The following CCSER1 variants were observed in gnomAD, a reference collection of about 807,000 sequenced individuals.
CCSER1 encodes the protein serine-rich coiled-coil domain-containing protein 1.
CCSER1 carries 41 observed loss-of-function variants against 82.0 expected under a neutral mutation model. That is an observed-to-expected ratio of 0.50 (90% CI 0.39 to 0.65). CCSER1 has a LOEUF of 0.65. CCSER1 is among the 30% of genes least tolerant of loss of function. The pLI is 0.00. For synonymous variants in CCSER1, 414 were observed against 383.9 expected, an observed-to-expected ratio of 1.08 and a Z score of -0.92; for missense variants, 1,119 against 1,064.2, an observed-to-expected ratio of 1.05 and a Z score of -0.72.
At chr4:91,323,774 T>C (rs1746361618) in intron 10 of CCSER1, among the ~76,000 whole-genome samples, 1 of 152,196 alleles carries the variant, frequency 6.6e-6, no homozygotes, top group Non-Finnish European at 1.5e-5. Flanking sequence ...GCTAGCGCAA[T>C]GGCCTATGGA....
intron 9 of CCSER1, among the ~76,000 whole-genome samples, chr4:91,009,952 G>A (rs1738869237): frequency 6.6e-6 from 1 of 151,830 alleles, no homozygotes; most frequent in Non-Finnish European, 1.5e-5. Flanking sequence ...ACAGTCTTGG[G>A]GATTCTGAAT....
At chr4:90,844,032 A>G (rs1017369432) in intron 8 of CCSER1, among the ~76,000 whole-genome samples, 2 of 152,070 alleles carry the variant, frequency 1.3e-5, no homozygotes, top group Admixed American at 1.3e-4. Context: ...GTATATTATT[A>G]CACACTATAC....
At chr4:91,482,470 A>G (rs1757989510) in intron 10 of CCSER1, among the ~76,000 whole-genome samples, 1 of 151,804 alleles carries the variant, frequency 6.6e-6, no homozygotes, top group African/African-American at 2.4e-5. Context: ...ATGTGTAGAA[A>G]TACGAATGCT....
At chr4:91,223,109 T>C (rs985551184) in intron 10 of CCSER1, among the ~76,000 whole-genome samples, 4 of 152,074 alleles carry the variant, frequency 2.6e-5, no homozygotes, top group Non-Finnish European at 5.9e-5. Flanking sequence ...AAAATTCAAA[T>C]TATGCCTTCA....
intron 5 of CCSER1, among the ~76,000 whole-genome samples, chr4:90,618,833 G>A (rs1010246279): frequency 4.0e-5 from 6 of 151,674 alleles, no homozygotes; most frequent in African/African-American, 1.4e-4. Context: ...CCTGGAGTTT[G>A]TGACTTAAAA....
At chr4:90,912,484 C>A (rs1384231868) in intron 8 of CCSER1, among the ~76,000 whole-genome samples, 1 of 152,142 alleles carries the variant, frequency 6.6e-6, no homozygotes, top group Non-Finnish European at 1.5e-5. Context: ...AAAACCCCAT[C>A]TATACGTCAC....
intron 3 of CCSER1, among the ~76,000 whole-genome samples, chr4:90,385,952 G>T (rs1174181203): frequency 6.6e-6 from 1 of 151,978 alleles, no homozygotes; most frequent in East Asian, 1.9e-4. Flanking sequence ...TTTAACCAAA[G>T]AGGTGAAAGA....
intron 10 of CCSER1, among the ~76,000 whole-genome samples, chr4:91,086,325 T>G (rs1156747576): frequency 6.6e-6 from 1 of 152,078 alleles, no homozygotes. Context: ...AAAACTGACT[T>G]ACTGAGAAGT....
chr4:91,459,436 C>A (rs75748501), intron 10 of CCSER1, among the ~76,000 whole-genome samples: 3,605 of 152,098 alleles, frequency 0.024, 165 homozygotes, highest in African/African-American at 0.083. Context: ...CAGCATCCTA[C>A]CACCTAGCAA....
intron 8 of CCSER1, among the ~76,000 whole-genome samples, chr4:90,894,256 T>G (rs2150124650): frequency 6.6e-6 from 1 of 152,186 alleles, no homozygotes; most frequent in African/African-American, 2.4e-5. Context: ...TATTACTTAC[T>G]TTATAGCTTA....
intron 10 of CCSER1, among the ~76,000 whole-genome samples, chr4:91,564,240 A>G (rs1419080412): frequency 6.6e-6 from 1 of 151,720 alleles, no homozygotes; most frequent in East Asian, 1.9e-4. Flanking sequence ...TTTTTTATGA[A>G]GACATAGTAT....
intron 10 of CCSER1, among the ~76,000 whole-genome samples, chr4:91,336,735 T>C (rs1747354078): frequency 6.6e-6 from 1 of 152,204 alleles, no homozygotes; most frequent in South Asian, 2.1e-4. Flanking sequence ...GAACTCTCTT[T>C]AATTATATTT....
At chr4:91,559,091 T>C (rs955008) in intron 10 of CCSER1, among the ~76,000 whole-genome samples, 17,072 of 151,486 alleles carry the variant, frequency 0.11, 1,090 homozygotes, top group Middle Eastern at 0.2. Flanking sequence ...TCTAGTTAAG[T>C]ATGTGTCATC....
chr4:91,323,359 G>A (rs1259230239), intron 10 of CCSER1, among the ~76,000 whole-genome samples: 1 of 152,102 alleles, frequency 6.6e-6, no homozygotes, highest in Non-Finnish European at 1.5e-5. Flanking sequence ...TAATTCCTTA[G>A]GTTTAGGTTA....
intron 3 of CCSER1, among the ~76,000 whole-genome samples, chr4:90,345,126 A>G (rs977512682): frequency 3.3e-5 from 5 of 152,134 alleles, no homozygotes; most frequent in African/African-American, 9.7e-5. Context: ...AATTTTACCA[A>G]TGATGATGAC....
intron 9 of CCSER1, among the ~76,000 whole-genome samples, chr4:91,045,280 A>G (rs1742350822): frequency 6.6e-6 from 1 of 152,234 alleles, no homozygotes; most frequent in Non-Finnish European, 1.5e-5. Flanking sequence ...AAATAGATTT[A>G]TTAATATGTG....
At chr4:90,488,267 CGCCTCG>C (rs1767436638) in intron 5 of CCSER1, among the ~76,000 whole-genome samples, 1 of 152,092 alleles carries the variant, frequency 6.6e-6, no homozygotes, top group Non-Finnish European at 1.5e-5. Context: ...CTGCAAGCTC[CGCCTCG>C]GCCTCCATGG....
chr4:91,144,889 T>A (rs932738964), intron 10 of CCSER1, among the ~76,000 whole-genome samples: 7 of 152,242 alleles, frequency 4.6e-5, no homozygotes, highest in Admixed American at 2.0e-4. Context: ...CAGACTGTTG[T>A]CAGTCTTAAA....
At chr4:91,039,069 C>T (rs1488658807) in intron 9 of CCSER1, among the ~76,000 whole-genome samples, 2 of 152,144 alleles carry the variant, frequency 1.3e-5, no homozygotes, top group Non-Finnish European at 2.9e-5. Flanking sequence ...TCACTCTGCA[C>T]CCAGGCTGGA....
Sources: allele counts gnomAD v4.1 joint callset (sites outside exome capture counted in the v4.1 genomes callset), GRCh38; gene constraint gnomAD v4.1.1; transcripts MANE v1.5; gene names NCBI Gene and HGNC (gene_info 2026-07-23, HGNC 2026-07-21).